ZNRF1: variants seen among roughly 807,000 people sequenced by gnomAD.
The protein encoded by ZNRF1 is zinc and ring finger 1.
In ZNRF1, 3 loss-of-function variants were observed where a neutral mutation model predicts 18.4. That is an observed-to-expected ratio of 0.16 (90% CI 0.07 to 0.42). The LOEUF (loss-of-function observed/expected upper bound fraction) is 0.42. Ranked by LOEUF, ZNRF1 falls within the 10% of genes least tolerant of loss-of-function variation. The probability of loss-of-function intolerance (pLI) is 0.99; values close to 1 mark genes in which losing one functional copy is unlikely to be tolerated. For synonymous variants in ZNRF1, 157 were observed against 144.2 expected (o/e 1.09, Z -0.64); for missense variants, 310 against 329.8 (o/e 0.94, Z 0.47).
intron 1 of ZNRF1, among the ~76,000 whole-genome samples, chr16:75,028,865 G>A (rs1251494861): frequency 1.3e-5 from 2 of 152,180 alleles, no homozygotes; most frequent in Admixed American, 6.5e-5. Context: ...TCTAGAATAC[G>A]ATGCTCACTT....
At chr16:75,068,949 C>G (rs1481206700) in intron 1 of ZNRF1, among the ~76,000 whole-genome samples, 30 of 151,324 alleles carry the variant, frequency 2.0e-4, no homozygotes, top group Non-Finnish European at 1.5e-4. Flanking sequence ...TTAAAAAATT[C>G]GAGGGTCCCA....
chr16:75,069,606 GT>G (rs1567485411), intron 1 of ZNRF1, among the ~76,000 whole-genome samples: 1 of 152,182 alleles, frequency 6.6e-6, no homozygotes. Context: ...TAGAGATGGG[GT>G]TTTGCCATAT....
intron 1 of ZNRF1, among the ~76,000 whole-genome samples, chr16:75,012,896 A>G (rs1407307974): frequency 6.6e-6 from 1 of 152,156 alleles, no homozygotes. Flanking sequence ...TACCGGTTCC[A>G]GGTCTCCAGA....
chr16:75,046,361 C>T (rs1029353867), intron 1 of ZNRF1, among the ~76,000 whole-genome samples: 26 of 152,098 alleles, frequency 1.7e-4, no homozygotes, highest in Non-Finnish European at 2.6e-4. Context: ...AAGTGATTCT[C>T]GTACCTCAGC....
chr16:75,048,334 C>A (rs1039103162), intron 1 of ZNRF1, among the ~76,000 whole-genome samples: 1 of 152,154 alleles, frequency 6.6e-6, no homozygotes, highest in Non-Finnish European at 1.5e-5. Context: ...TACTTCTTTA[C>A]AGGCCTTATT....
At chr16:75,060,980 C>T (rs2035737160) in intron 1 of ZNRF1, among the ~76,000 whole-genome samples, 1 of 151,924 alleles carries the variant, frequency 6.6e-6, no homozygotes, top group Admixed American at 6.6e-5. Context: ...GAATTCAGAT[C>T]CTAATATGAA....
chr16:75,078,521 A>C (rs938141541), intron 1 of ZNRF1, among the ~76,000 whole-genome samples: 1 of 151,520 alleles, frequency 6.6e-6, no homozygotes. Context: ...CTGGTCTCGA[A>C]CTCCCAACCT....
chr16:75,018,559 A>G (rs533373698), intron 1 of ZNRF1, among the ~76,000 whole-genome samples: 38 of 152,116 alleles, frequency 2.5e-4, no homozygotes, highest in African/African-American at 9.2e-4. Flanking sequence ...TGTTTTTGGT[A>G]TATTGCCTTT....
At chr16:75,086,639 T>C (rs531750871) in intron 1 of ZNRF1, among the ~76,000 whole-genome samples, 1 of 152,240 alleles carries the variant, frequency 6.6e-6, no homozygotes, top group African/African-American at 2.4e-5. Context: ...TTATTCATAA[T>C]AAATCCCATT....
chr16:75,045,409 A>G (rs1391007863), intron 1 of ZNRF1, among the ~76,000 whole-genome samples: 1 of 152,052 alleles, frequency 6.6e-6, no homozygotes, highest in African/African-American at 2.4e-5. Flanking sequence ...TAGAGAGGGG[A>G]TGGATGAGCT....
intron 1 of ZNRF1, among the ~76,000 whole-genome samples, chr16:75,035,436 G>T (rs2035365622): frequency 6.6e-6 from 1 of 152,180 alleles, no homozygotes; most frequent in South Asian, 2.1e-4. Flanking sequence ...GTGCGATCTT[G>T]TTGCCACCCG....
intron 1 of ZNRF1, among the ~76,000 whole-genome samples, chr16:75,093,218 C>G (rs1414288123): frequency 6.6e-6 from 1 of 152,152 alleles, no homozygotes; most frequent in Non-Finnish European, 1.5e-5. Flanking sequence ...AACCCCCTCT[C>G]TACTAAAAAT....
chr16:75,021,021 T>C (rs1238505569), intron 1 of ZNRF1, among the ~76,000 whole-genome samples: 1 of 152,200 alleles, frequency 6.6e-6, no homozygotes, highest in Non-Finnish European at 1.5e-5. Context: ...GGATCGGTAT[T>C]ACAATTCTAC....
intron 1 of ZNRF1, among the ~76,000 whole-genome samples, chr16:75,019,355 A>T (rs113227220): frequency 6.6e-5 from 10 of 152,046 alleles, no homozygotes; most frequent in African/African-American, 2.4e-4. Context: ...ACAGCTTTTT[A>T]TTTATTTTCT....
At chr16:75,104,724 C>T (rs984985609) in intron 2 of ZNRF1, 60 bp from the exon 3 acceptor site, 1 of 1,473,458 alleles carries the variant, frequency 6.8e-7, no homozygotes, top group East Asian at 2.4e-5. Context: ...CCTTGCTTGC[C>T]CCATGCCACC....
intron 1 of ZNRF1, among the ~76,000 whole-genome samples, chr16:75,082,367 C>T (rs1285683135): frequency 2.0e-5 from 3 of 152,158 alleles, no homozygotes; most frequent in South Asian, 2.1e-4. Flanking sequence ...AGATGCTTTC[C>T]CCATTCTTCA....
chr16:75,065,802 T>A (rs2145393887), intron 1 of ZNRF1, among the ~76,000 whole-genome samples: 1 of 152,344 alleles, frequency 6.6e-6, no homozygotes, highest in East Asian at 1.9e-4. Flanking sequence ...TTTACCCTTT[T>A]CAGGGCTAGT....
intron 1 of ZNRF1, among the ~76,000 whole-genome samples, chr16:75,028,701 C>G (rs1395626913): frequency 1.3e-5 from 2 of 152,192 alleles, no homozygotes; most frequent in Non-Finnish European, 1.5e-5. Flanking sequence ...GGTGTTTGCC[C>G]TCATCACTCA....
At chr16:75,024,574 T>A (rs1260695093) in intron 1 of ZNRF1, among the ~76,000 whole-genome samples, 1 of 152,194 alleles carries the variant, frequency 6.6e-6, no homozygotes, top group East Asian at 1.9e-4. Context: ...AGGAAATTAA[T>A]CTCAAACAAA....
Sources: gnomAD v4.1 joint callset for allele counts (sites outside exome capture counted in the v4.1 genomes callset) on GRCh38, gnomAD v4.1.1 for gene constraint, MANE v1.5 for transcripts, NCBI Gene and HGNC (gene_info 2026-07-23, HGNC 2026-07-21) for gene names.